Variants in SIPA1L1 observed in about 807,000 individuals in gnomAD.
The protein encoded by SIPA1L1 is signal-induced proliferation-associated 1-like protein 1.
A neutral mutation model predicts 162.7 loss-of-function variants in SIPA1L1; 26 were observed. The ratio of observed to expected loss-of-function variants is 0.16; its 90% CI spans 0.12 to 0.22. The LOEUF is 0.22. Ranked by LOEUF, SIPA1L1 falls within the 10% of genes least tolerant of loss-of-function variation. The pLI is 1.00. For synonymous variants in SIPA1L1, 829 were observed against 837.4 expected, an observed-to-expected ratio of 0.99 and a Z score of 0.17; for missense variants, 1,874 against 2,241.0, an observed-to-expected ratio of 0.84 and a Z score of 3.31.
At chr14:71,437,605 G>T (rs1257631359) in intron 2 of SIPA1L1, among the ~76,000 whole-genome samples, 2 of 152,096 alleles carry the variant, frequency 1.3e-5, no homozygotes, top group African/African-American at 4.8e-5. Context: ...CAAGTGATCT[G>T]CCCGCCTGGA....
At chr14:71,737,570 C>A (rs1375568934) in intron 22 of SIPA1L1, among the ~76,000 whole-genome samples, 1 of 152,130 alleles carries the variant, frequency 6.6e-6, no homozygotes, top group African/African-American at 2.4e-5. Flanking sequence ...TGCCGTACCC[C>A]AGCTCACACT....
chr14:71,710,087 G>A (rs944540673), intron 17 of SIPA1L1, among the ~76,000 whole-genome samples: 3 of 152,312 alleles, frequency 2.0e-5, no homozygotes, highest in East Asian at 3.9e-4. Flanking sequence ...CATCGTTTGC[G>A]ATGCCAAGCA....
In SIPA1L1 at chr14:71,589,356, T is replaced by G. The variant is rs770494917; in HGVS notation, c.1484T>G (p.Phe495Cys). ...VDLGAYYYRK[F>C]FYQKEHWNYF... The stretch of plus-strand genomic sequence containing the variant: ...CTGGGTGCATACTATTATAGAAAAT[T>G]TTTCTACCAGAAGGGTAAGTAGAGA... Residue 495 changes from phenylalanine (F) to cysteine (C), a missense_variant, in exon 5 of 24, where the codon TTT (phenylalanine) becomes TGT (cysteine). Phe to Cys is a radical substitution (Grantham distance 205, BLOSUM62 -2). Around this residue, in one of 5 missense-constraint regions of SIPA1L1, gnomAD observed 685 missense variants for 828.0 expected, o/e 0.83. Coordinates refer to ENST00000381232, the MANE Select transcript of SIPA1L1 (RefSeq NM_001386936.1). 1.9e-6 allele frequency: 3 copies of G among 1,604,524 alleles called. No homozygotes were observed. Among genetic ancestry groups the G allele is most frequent in the Non-Finnish European group, 2.6e-6 (3 of 1,172,974 alleles).
chr14:71,550,693 T>C (rs896239373), intron 4 of SIPA1L1, among the ~76,000 whole-genome samples: 1 of 152,104 alleles, frequency 6.6e-6, no homozygotes, highest in African/African-American at 2.4e-5. Context: ...ACTCTGCTTA[T>C]CCAACTCTTC....
intron 6 of SIPA1L1, among the ~76,000 whole-genome samples, chr14:71,623,312 AG>A (rs1367494632): frequency 3.9e-5 from 6 of 152,220 alleles, no homozygotes; most frequent in African/African-American, 1.4e-4. Context: ...CAGTTAAATT[AG>A]GTTAACAAAA....
chr14:71,386,202 C>T (rs1039137662), intron 2 of SIPA1L1, among the ~76,000 whole-genome samples: 1 of 152,086 alleles, frequency 6.6e-6, no homozygotes, highest in Non-Finnish European at 1.5e-5. Flanking sequence ...CACAATAGAC[C>T]GTCTGTAAGC....
At chr14:71,497,298 GC>G (rs1484514361) in intron 2 of SIPA1L1, among the ~76,000 whole-genome samples, 1 of 152,058 alleles carries the variant, frequency 6.6e-6, no homozygotes, top group Non-Finnish European at 1.5e-5. Context: ...TTCTTCCTTG[GC>G]CTCCCAGAAT....
intron 13 of SIPA1L1, among the ~76,000 whole-genome samples, chr14:71,696,263 C>G (rs2081620854): frequency 6.6e-6 from 1 of 152,184 alleles, no homozygotes; most frequent in Non-Finnish European, 1.5e-5. Context: ...AACCCTGCTT[C>G]TTTCTTCTCA....
intron 2 of SIPA1L1, among the ~76,000 whole-genome samples, chr14:71,442,589 G>A (rs976218285): frequency 2.0e-5 from 3 of 151,800 alleles, no homozygotes; most frequent in African/African-American, 7.3e-5. Flanking sequence ...AGTTTTTTCT[G>A]ATAGGGCAAA....
intron 7 of SIPA1L1, among the ~76,000 whole-genome samples, chr14:71,627,214 A>C (rs1173659772): frequency 8.2e-6 from 1 of 121,750 alleles, no homozygotes; most frequent in Non-Finnish European, 1.6e-5. Context: ...GCTGGAGTGC[A>C]GTGGCGCGAT....
At chr14:71,517,076 T>C (rs1248498135) in intron 3 of SIPA1L1, among the ~76,000 whole-genome samples, 2 of 145,874 alleles carry the variant, frequency 1.4e-5, no homozygotes, top group Non-Finnish European at 3.1e-5. Flanking sequence ...TGTAAGTACC[T>C]TCTTATAAAT....
At chr14:71,480,088 TG>T (rs911360003) in intron 2 of SIPA1L1, among the ~76,000 whole-genome samples, 4 of 150,346 alleles carry the variant, frequency 2.7e-5, no homozygotes, top group Non-Finnish European at 4.4e-5. Context: ...TTTTGTTTTT[TG>T]TTTTTTTTTT....
In SIPA1L1 at chr14:71,624,191, C is replaced by T. The variant is rs1021707832; in HGVS notation, c.1773C>T (p.Asn591=). 1 of 1,614,002 alleles carries T rather than the reference C, an allele frequency of 6.2e-7. No homozygotes were observed. Among genetic ancestry groups the T allele is most frequent in the African/African-American group, 1.3e-5 (1 of 74,932 alleles). ...LNVQCLRLAF[N]TPKVTEQLMK... ...TCCAGTGCCTGCGGTTGGCCTTCAA[C>T]ACACCCAAGGTCACAGAGCAGCTCA... Residue 591 remains asparagine, a synonymous_variant, in exon 7 of 24, where the codon AAC becomes AAT. Transcript: ENST00000381232.
At chr14:71,571,728 G>A (rs1028895518) in intron 4 of SIPA1L1, among the ~76,000 whole-genome samples, 2 of 151,700 alleles carry the variant, frequency 1.3e-5, no homozygotes, top group African/African-American at 2.4e-5. Context: ...TACAAGCTCC[G>A]CCTCCCGGGT....
intron 13 of SIPA1L1, among the ~76,000 whole-genome samples, chr14:71,690,699 A>T (rs974791265): frequency 4.6e-5 from 7 of 152,016 alleles, no homozygotes; most frequent in African/African-American, 7.2e-5. Flanking sequence ...CGCCTATCTC[A>T]TCACCCTGAA....
At chr14:71,440,181 A>G (rs1415836211) in intron 2 of SIPA1L1, among the ~76,000 whole-genome samples, 1 of 151,934 alleles carries the variant, frequency 6.6e-6, no homozygotes, top group Non-Finnish European at 1.5e-5. Flanking sequence ...GTGCATCACC[A>G]TTCCTGGCTG....
intron 2 of SIPA1L1, among the ~76,000 whole-genome samples, chr14:71,322,642 T>C (rs2033204643): frequency 6.6e-6 from 1 of 152,252 alleles, no homozygotes. Context: ...TAACAGTGCA[T>C]TTAAAATGAT....
intron 2 of SIPA1L1, among the ~76,000 whole-genome samples, chr14:71,379,287 G>A (rs947449446): frequency 6.6e-6 from 1 of 151,196 alleles, no homozygotes; most frequent in African/African-American, 2.4e-5. Flanking sequence ...ATTACATTAA[G>A]ACTTTCTTTC....
At chr14:71,674,871 T>C (rs1371865311) in intron 12 of SIPA1L1, among the ~76,000 whole-genome samples, 1 of 152,060 alleles carries the variant, frequency 6.6e-6, no homozygotes. Flanking sequence ...GCCGCATTCC[T>C]GTTTTAAAAG....
Sources: allele counts gnomAD v4.1 joint callset (sites outside exome capture counted in the v4.1 genomes callset), GRCh38; gene constraint gnomAD v4.1.1; regional missense constraint gnomAD v4.1.1; transcripts MANE v1.5; gene names NCBI Gene and HGNC (gene_info 2026-07-23, HGNC 2026-07-21).